ACSS3: variants seen among roughly 807,000 people sequenced by gnomAD.
The protein encoded by ACSS3 is acyl-CoA synthetase short-chain family member 3, mitochondrial.
In ACSS3, 64 loss-of-function variants were observed where a neutral mutation model predicts 84.2. The observed-to-expected ratio is 0.76, with a 90% CI of 0.62 to 0.94. ACSS3 has a LOEUF of 0.94. Among genes scored for constraint, ACSS3 ranks in the 40% least tolerant of loss-of-function variants. The pLI is 0.00. For synonymous variants in ACSS3, 317 were observed against 310.1 expected (o/e 1.02, Z -0.23); for missense variants, 815 against 867.6 (o/e 0.94, Z 0.76).
chr12:81,205,155 ATTCTGGATT>A (rs1186852186), intron 9 of ACSS3, among the ~76,000 whole-genome samples: 3 of 152,126 alleles, frequency 2.0e-5, no homozygotes, highest in African/African-American at 7.2e-5. Context: ...TAATCTGATA[ATTCTGGATT>A]TTGTTAAAGT....
chr12:81,232,699 G>A lies in ACSS3; in HGVS notation c.1597-650G>A, dbSNP rs116410671. On this transcript the variant is annotated intron_variant, in intron 12 of 15. Transcript: ENST00000548058. ...CAGAAAGTCTAAGAAACACAATAGT[G>A]GCTTTCCAGGATTTGTACTGAAGTC... 2.9e-3 allele frequency among the ~76,000 whole-genome samples: 433 copies of A among 151,660 alleles called. 2 individuals are homozygous for A. The highest frequency in any genetic ancestry group is 9.4e-3 in the African/African-American group (388 of 41,418).
intron 1 of ACSS3, among the ~76,000 whole-genome samples, chr12:81,108,687 A>G (rs1328189461): frequency 6.6e-6 from 1 of 152,164 alleles, no homozygotes; most frequent in Non-Finnish European, 1.5e-5. Context: ...ATACTCAGCT[A>G]TTTAACAAGA....
chr12:81,217,450 G>T (rs2135943876), intron 10 of ACSS3, among the ~76,000 whole-genome samples: 1 of 152,246 alleles, frequency 6.6e-6, no homozygotes, highest in African/African-American at 2.4e-5. Context: ...CTCAGAATTT[G>T]CTTGCTTTGA....
intron 9 of ACSS3, among the ~76,000 whole-genome samples, chr12:81,211,238 C>T (rs1209703415): frequency 1.3e-5 from 2 of 152,064 alleles, no homozygotes; most frequent in Admixed American, 1.3e-4. Context: ...CCTTGGCCTC[C>T]CAAAATGCTG....
intron 8 of ACSS3, among the ~76,000 whole-genome samples, chr12:81,195,595 GT>G (rs565703882): frequency 3.3e-5 from 5 of 150,534 alleles, no homozygotes; most frequent in South Asian, 2.1e-4. Context: ...AAATTGTGTG[GT>G]TTTTTTTTCC....
At chr12:81,135,133 A>G (rs1885718565) in intron 3 of ACSS3, 129 bp downstream of exon 3, 4 of 762,358 alleles carry the variant, frequency 5.2e-6, no homozygotes, top group Non-Finnish European at 7.2e-6. Flanking sequence ...GTTGATAAAT[A>G]CTTTTCCTAG....
chr12:81,173,683 G>C (rs541080299), intron 7 of ACSS3, among the ~76,000 whole-genome samples: 1 of 151,850 alleles, frequency 6.6e-6, no homozygotes, highest in African/African-American at 2.4e-5. Flanking sequence ...CCCTATTTGG[G>C]GACATTGTTG....
intron 7 of ACSS3, 77 bp downstream of exon 7, chr12:81,152,173 G>A (rs1248427329): frequency 7.9e-7 from 1 of 1,264,910 alleles, no homozygotes; most frequent in East Asian, 2.5e-5. Context: ...TCCTGAGTAG[G>A]ATCAGAAAAA....
At chr12:81,105,191 C>A (rs1009231745) in intron 1 of ACSS3, among the ~76,000 whole-genome samples, 10 of 152,086 alleles carry the variant, frequency 6.6e-5, no homozygotes, top group African/African-American at 2.4e-4. Flanking sequence ...TATTTTAAAG[C>A]GGCCATCATA....
chr12:81,209,690 T>C (rs1169626127), intron 9 of ACSS3, among the ~76,000 whole-genome samples: 1 of 152,120 alleles, frequency 6.6e-6, no homozygotes, highest in Non-Finnish European at 1.5e-5. Flanking sequence ...TGCTACTCCA[T>C]AGGAAGAGCA....
chr12:81,086,907 T>C (rs1055707882), intron 1 of ACSS3, among the ~76,000 whole-genome samples: 3 of 152,194 alleles, frequency 2.0e-5, no homozygotes, highest in African/African-American at 7.2e-5. Context: ...TATATGTGAA[T>C]GTGGAGCTCA....
chr12:81,206,280 G>C (rs2032341679), intron 9 of ACSS3, among the ~76,000 whole-genome samples: 1 of 152,100 alleles, frequency 6.6e-6, no homozygotes, highest in Non-Finnish European at 1.5e-5. Context: ...GATTGAGCTA[G>C]TGTGAAATGC....
chr12:81,125,672 A>G (rs1885041218), intron 2 of ACSS3: 2 of 152,044 alleles, frequency 1.3e-5, no homozygotes, highest in South Asian at 4.1e-4. Context: ...CACATATGTG[A>G]TGGTTACTCC....
At chr12:81,200,933 T>C (rs977436316) in intron 9 of ACSS3, among the ~76,000 whole-genome samples, 5 of 143,436 alleles carry the variant, frequency 3.5e-5, no homozygotes, top group Non-Finnish European at 7.7e-5. Context: ...AAGAAAAAAA[T>C]GTTTTTTACA....
chr12:81,078,038 C>T (rs1206442630), upstream of ACSS3: 3 of 1,390,546 alleles, frequency 2.2e-6, no homozygotes, highest in Admixed American at 3.0e-5. Flanking sequence ...TTGCCCCCGC[C>T]CCCTACTCCC....
chr12:81,094,255 T>G (rs1482169088), intron 1 of ACSS3: 1 of 151,848 alleles, frequency 6.6e-6, no homozygotes, highest in Admixed American at 6.6e-5. Context: ...GATTTCAATG[T>G]ATATTATCCA....
In ACSS3 at chr12:81,257,365, T is replaced by G. The variant is rs949791867; in HGVS notation, c.*2443T>G. The G allele has an allele frequency of 6.6e-6, 1 of 152,184 alleles. No individual in the cohort carries two copies. The highest frequency in any genetic ancestry group is 1.5e-5 in the Non-Finnish European group (1 of 68,036). 9.4% of individuals were successfully genotyped at this position (152,184 alleles called of 1,614,324 possible). A position where few individuals can be genotyped will look rare whatever the true frequency, so the allele number is the denominator to read the frequency against. ...CTTAAAATTTGGGAGGAAAAAATTC[T>G]ATTTTACTACTAACCATAAATCACT... On this transcript the variant is annotated 3_prime_UTR_variant, in exon 16 of 16. Coordinates refer to ENST00000548058, the MANE Select transcript of ACSS3 (RefSeq NM_024560.4).
rs556223712 is a variant in ACSS3, at chr12:81,149,519, C to G, written c.922-2325C>G. ...TGAAACCATGCATTTCTTTTTTCTGCACCATATCAAATACTCAGAAATTTG... is the reference window on the plus strand; with the variant it reads ...TGAAACCATGCATTTCTTTTTTCTGGACCATATCAAATACTCAGAAATTTG... On this transcript the variant is annotated intron_variant, in intron 5 of 15. Coordinates refer to ENST00000548058, the MANE Select transcript of ACSS3 (RefSeq NM_024560.4). Among the ~76,000 whole-genome samples the G allele has an allele frequency of 9.2e-5, 14 of 152,186 alleles. No homozygotes were observed. The South Asian group carries it at 2.9e-3, about 32-fold the overall frequency.
intron 9 of ACSS3, among the ~76,000 whole-genome samples, chr12:81,212,972 T>G (rs2032654611): frequency 6.6e-6 from 1 of 152,216 alleles, no homozygotes; most frequent in South Asian, 2.1e-4. Context: ...AAAGAAACTA[T>G]GCTGGTGATT....
Sources: gnomAD v4.1 joint callset for allele counts (sites outside exome capture counted in the v4.1 genomes callset) on GRCh38, gnomAD v4.1.1 for gene constraint, MANE v1.5 for transcripts, NCBI Gene and HGNC (gene_info 2026-07-23, HGNC 2026-07-21) for gene names.